The following MALRD1 variants were observed in gnomAD, a reference collection of about 807,000 sequenced individuals.
MALRD1 encodes the protein MAM and LDL receptor class A domain containing 1, also known as MAM and LDL-receptor class A domain-containing protein 1.
MALRD1 carries 247 observed loss-of-function variants against 242.1 expected under a neutral mutation model. The ratio of observed to expected loss-of-function variants is 1.02; its 90% CI spans 0.92 to 1.13. The LOEUF is 1.13. Ranked by LOEUF, MALRD1 falls within the 50% of genes most tolerant of loss-of-function variation. The pLI, the probability that MALRD1 is intolerant of heterozygous loss-of-function variation, is 0.00. For missense variants in MALRD1, 2,989 were observed against 2,533.1 expected, an observed-to-expected ratio of 1.18 and a Z score of -3.86; for synonymous variants, 995 against 866.6, an observed-to-expected ratio of 1.15 and a Z score of -2.60.
intron 31 of MALRD1, among the ~76,000 whole-genome samples, chr10:19,510,224 A>G (rs1485407129): frequency 1.1e-4 from 16 of 152,220 alleles, no homozygotes; most frequent in Admixed American, 1.0e-3. Flanking sequence ...GGAATATACA[A>G]TCGAGTTTTA....
chr10:19,439,715 T>C (rs1834526958), intron 28 of MALRD1, among the ~76,000 whole-genome samples: 1 of 152,172 alleles, frequency 6.6e-6, no homozygotes, highest in Non-Finnish European at 1.5e-5. Context: ...TATATAGATA[T>C]AAATAATAAG....
chr10:19,524,288 C>CAATGTGGTG (rs544986934), intron 31 of MALRD1, among the ~76,000 whole-genome samples: 170 of 152,098 alleles, frequency 1.1e-3, no homozygotes, highest in African/African-American at 4.0e-3. Context: ...TCAGCCTGGC[C>CAATGTGGTG]AATGTGGTGA....
intron 26 of MALRD1, among the ~76,000 whole-genome samples, chr10:19,360,654 AT>A (rs1844852419): frequency 6.6e-6 from 1 of 152,074 alleles, no homozygotes. Flanking sequence ...ACTAGCTAAT[AT>A]TTTTAATATA....
At chr10:19,201,725 A>G (rs1178050128) in intron 14 of MALRD1, among the ~76,000 whole-genome samples, 1 of 152,172 alleles carries the variant, frequency 6.6e-6, no homozygotes, top group Non-Finnish European at 1.5e-5. Flanking sequence ...TATCCTTTGC[A>G]TTTTATTTCT....
intron 28 of MALRD1, among the ~76,000 whole-genome samples, chr10:19,427,801 A>C (rs1365579168): frequency 6.6e-6 from 1 of 152,172 alleles, no homozygotes. Context: ...CATGAGGGCT[A>C]AAAGAGTCCC....
In MALRD1 at chr10:19,734,223, C is replaced by T; in HGVS notation, c.6457C>T (p.His2153Tyr). 1 of 1,535,742 alleles carries T rather than the reference C, an allele frequency of 6.5e-7. No homozygotes were observed. Among genetic ancestry groups the T allele is most frequent in the Non-Finnish European group, 8.7e-7 (1 of 1,146,532 alleles). Residue 2153 changes from histidine to tyrosine, a missense_variant, in exon 40 of 40, where the codon CAT becomes TAT. His to Tyr is a moderately conservative substitution (Grantham distance 83, BLOSUM62 2). Transcript: ENST00000454679. ...TTSGSLETLSHHLK is the reference protein window; with the variant it reads ...TTSGSLETLSYHLK ...ATCAGGAAGCCTGGAGACCCTGTCA[C>T]ATCATCTCAAATAGCAGCATCGAGA...
At chr10:19,476,771 T>C (rs550676703) in intron 29 of MALRD1, among the ~76,000 whole-genome samples, 1 of 152,254 alleles carries the variant, frequency 6.6e-6, no homozygotes, top group South Asian at 2.1e-4. Flanking sequence ...TTTACAACAC[T>C]CTAATTATGT....
In MALRD1 at chr10:19,594,678, T is replaced by C. The variant is rs533868384; in HGVS notation, c.5681-516T>C. Among the ~76,000 whole-genome samples the C allele has an allele frequency of 6.6e-4, 100 of 152,252 alleles. No homozygotes were observed. In the South Asian group the frequency reaches 0.02, roughly 31 times the overall value. ...ATAAAAAGGAATGAAAAAATGTCTT[T>C]TGCAGCAACTAGGATGGAGCTGGAG... On this transcript the variant is annotated intron_variant, in intron 33 of 39. Transcript: ENST00000454679.
intron 7 of MALRD1, among the ~76,000 whole-genome samples, chr10:19,125,259 C>A (rs764946031): frequency 6.7e-6 from 1 of 150,288 alleles, no homozygotes; most frequent in African/African-American, 2.5e-5. Context: ...TCGGCCAGCT[C>A]TTTCTTTCTC....
chr10:19,417,755 G>A (rs543432893), intron 28 of MALRD1, among the ~76,000 whole-genome samples: 2 of 152,264 alleles, frequency 1.3e-5, no homozygotes, highest in South Asian at 2.1e-4. Flanking sequence ...ACCTTGAGCA[G>A]CAGTTAATTG....
chr10:19,580,066 G>A (rs1401848144), intron 33 of MALRD1, among the ~76,000 whole-genome samples: 3 of 152,144 alleles, frequency 2.0e-5, no homozygotes, highest in Non-Finnish European at 4.4e-5. Context: ...TGATTAAACA[G>A]GAATGAATCT....
chr10:19,376,922 G>C (rs556812147), intron 26 of MALRD1, among the ~76,000 whole-genome samples: 1 of 152,150 alleles, frequency 6.6e-6, no homozygotes, highest in East Asian at 1.9e-4. Flanking sequence ...GCACTAAGTT[G>C]ATTTATTGGG....
intron 36 of MALRD1, among the ~76,000 whole-genome samples, chr10:19,667,834 A>T (rs993077512): frequency 1.3e-5 from 2 of 152,176 alleles, no homozygotes; most frequent in Non-Finnish European, 2.9e-5. Flanking sequence ...ATGGCCTGAT[A>T]CACCATAGAA....
intron 31 of MALRD1, among the ~76,000 whole-genome samples, chr10:19,509,138 T>G (rs558337606): frequency 3.3e-5 from 5 of 152,288 alleles, no homozygotes; most frequent in Non-Finnish European, 4.4e-5. Context: ...TAAACATTAT[T>G]AAAAGAAGAA....
intron 18 of MALRD1, among the ~76,000 whole-genome samples, chr10:19,252,092 T>C (rs1460631097): frequency 6.6e-6 from 1 of 152,042 alleles, no homozygotes; most frequent in Non-Finnish European, 1.5e-5. Context: ...CATAGTTCTT[T>C]ACAGCAATGT....
At chr10:19,271,717 C>G (rs1187757407) in intron 19 of MALRD1, among the ~76,000 whole-genome samples, 1 of 151,278 alleles carries the variant, frequency 6.6e-6, no homozygotes, top group Non-Finnish European at 1.5e-5. Flanking sequence ...GAGCCGAGAT[C>G]TCACCACTGC....
chr10:19,136,514 T>C, intron 9 of MALRD1, 60 bp from the exon 10 acceptor site: 1 of 952,266 alleles, frequency 1.1e-6, no homozygotes, highest in Non-Finnish European at 1.4e-6. Flanking sequence ...CAACCTTCTT[T>C]AGTTTTTTGT....
At chr10:19,227,150 T>A (rs970228642) in intron 18 of MALRD1, among the ~76,000 whole-genome samples, 1 of 151,874 alleles carries the variant, frequency 6.6e-6, no homozygotes, top group Non-Finnish European at 1.5e-5. Context: ...CAAAGCTGAT[T>A]CTAATTTTTT....
At chr10:19,217,346 A>G (rs1186481226) in intron 18 of MALRD1, among the ~76,000 whole-genome samples, 1 of 152,048 alleles carries the variant, frequency 6.6e-6, no homozygotes, top group Non-Finnish European at 1.5e-5. Context: ...ACTTGGGAAG[A>G]CTTCTGCATC....
Sources: allele counts gnomAD v4.1 joint callset (sites outside exome capture counted in the v4.1 genomes callset), GRCh38; gene constraint gnomAD v4.1.1; transcripts MANE v1.5; gene names NCBI Gene and HGNC (gene_info 2026-07-23, HGNC 2026-07-21).